Variants in FILIP1L observed in about 807,000 individuals in gnomAD.
FILIP1L encodes the protein filamin A interacting protein 1 like.
Under a neutral mutation model 96.6 loss-of-function variants are expected in FILIP1L, and 55 were observed. The ratio of observed to expected loss-of-function variants is 0.57; its 90% CI spans 0.46 to 0.71. FILIP1L has a LOEUF of 0.71. Among genes scored for constraint, FILIP1L ranks in the 30% least tolerant of loss-of-function variants. The pLI is 0.00. For missense variants in FILIP1L, 1,304 were observed against 1,321.2 expected, an observed-to-expected ratio of 0.99 and a Z score of 0.20; for synonymous variants, 467 against 473.9, an observed-to-expected ratio of 0.99 and a Z score of 0.19.
At chr3:99,976,342 T>C (rs774507747) in intron 1 of FILIP1L, among the ~76,000 whole-genome samples, 2 of 152,212 alleles carry the variant, frequency 1.3e-5, no homozygotes, top group Non-Finnish European at 2.9e-5. Flanking sequence ...ACATAAAGAA[T>C]AAAATTGGAT....
chr3:99,969,772 G>A (rs1708760886), intron 1 of FILIP1L, among the ~76,000 whole-genome samples: 1 of 152,188 alleles, frequency 6.6e-6, no homozygotes, highest in South Asian at 2.1e-4. Context: ...TGGAGATGAA[G>A]AAGGTGAGGA....
chr3:100,024,175 C>T (rs17314245), intron 1 of FILIP1L, among the ~76,000 whole-genome samples: 1,781 of 152,284 alleles, frequency 0.012, 23 homozygotes, highest in African/African-American at 0.026. Context: ...TTGTAAATAA[C>T]AGCCATGGGG....
intron 1 of FILIP1L, among the ~76,000 whole-genome samples, chr3:100,032,617 G>T (rs755142789): frequency 6.6e-5 from 10 of 152,062 alleles, no homozygotes; most frequent in Admixed American, 2.0e-4. Context: ...TCTATTTTTT[G>T]ACATAAAGGC....
chr3:100,055,368 A>G (rs2065447085), intron 1 of FILIP1L, among the ~76,000 whole-genome samples: 1 of 152,218 alleles, frequency 6.6e-6, no homozygotes. Context: ...TAGAAAATCA[A>G]GGTGACTGTA....
At chr3:100,045,320 A>G (rs377071223) in intron 1 of FILIP1L, among the ~76,000 whole-genome samples, 6 of 152,238 alleles carry the variant, frequency 3.9e-5, no homozygotes, top group African/African-American at 1.4e-4. Context: ...TGCCATTATT[A>G]CTATGTCTAG....
intron 1 of FILIP1L, chr3:100,075,575 T>C (rs927480670): frequency 3.9e-5 from 6 of 151,950 alleles, no homozygotes; most frequent in African/African-American, 1.4e-4. Flanking sequence ...CTTTTTTTTT[T>C]TTTAACTGTC....
At position 99,892,369 on chromosome 3, in the gene FILIP1L, A is replaced by T. The variant is rs771395104; in HGVS notation, c.605+31861T>A. Among the ~76,000 whole-genome samples the T allele has an allele frequency of 2.1e-4, 32 of 152,206 alleles. 1 individual carries two copies. Among genetic ancestry groups the T allele is most frequent in the Non-Finnish European group, 2.6e-4 (18 of 68,038 alleles). On this transcript the variant is annotated intron_variant, in intron 4 of 5. Coordinates refer to ENST00000477258, the MANE Select transcript of FILIP1L (RefSeq NM_001387850.1). ...GCCCTGGCTTCTCCAAGTGGTCTAG[A>T]ATGTGAGTAACCAAAAAATTATACT...
intron 1 of FILIP1L, among the ~76,000 whole-genome samples, chr3:99,976,293 G>C (rs749050929): frequency 3.3e-5 from 5 of 152,090 alleles, no homozygotes; most frequent in Non-Finnish European, 7.4e-5. Context: ...CATATGCTAC[G>C]CGTTCCTGCT....
At chr3:99,832,619 G>T (rs1373686590) in intron 5 of FILIP1L, among the ~76,000 whole-genome samples, 1 of 145,362 alleles carries the variant, frequency 6.9e-6, no homozygotes, top group Non-Finnish European at 1.5e-5. Flanking sequence ...GAGGCGGGCG[G>T]ATCACTTGAG....
chr3:99,968,749 T>C (rs1384958807), intron 1 of FILIP1L, among the ~76,000 whole-genome samples: 1 of 152,166 alleles, frequency 6.6e-6, no homozygotes, highest in Non-Finnish European at 1.5e-5. Flanking sequence ...AATTGATACA[T>C]TTTCCTCAGG....
chr3:99,997,613 A>G (rs1265518444), intron 1 of FILIP1L, among the ~76,000 whole-genome samples: 1 of 152,224 alleles, frequency 6.6e-6, no homozygotes, highest in Non-Finnish European at 1.5e-5. Flanking sequence ...AGGATAGCAG[A>G]GAAACCAACA....
At chr3:99,909,708 T>C (rs1460606312) in intron 4 of FILIP1L, among the ~76,000 whole-genome samples, 1 of 152,236 alleles carries the variant, frequency 6.6e-6, no homozygotes, top group Non-Finnish European at 1.5e-5. Context: ...CTGCTAATTT[T>C]ATTTAACTCA....
chr3:100,070,248 G>A (rs2065738756), intron 1 of FILIP1L, among the ~76,000 whole-genome samples: 1 of 152,160 alleles, frequency 6.6e-6, no homozygotes, highest in Non-Finnish European at 1.5e-5. Context: ...GATTTTGTGG[G>A]GAGGTCAGTT....
intron 1 of FILIP1L, among the ~76,000 whole-genome samples, chr3:100,041,816 CTTGAT>C (rs916976671): frequency 1.3e-5 from 2 of 152,066 alleles, no homozygotes; most frequent in African/African-American, 4.8e-5. Flanking sequence ...CATGTTGTGC[CTTGAT>C]TTATCTCACC....
intron 1 of FILIP1L, among the ~76,000 whole-genome samples, chr3:100,079,655 A>G (rs1284981705): frequency 1.3e-5 from 2 of 152,156 alleles, no homozygotes; most frequent in African/African-American, 2.4e-5. Flanking sequence ...TTTTCAATTC[A>G]TTGTGAGGTT....
chr3:99,842,648 T>G (rs2107508651), intron 5 of FILIP1L, among the ~76,000 whole-genome samples: 1 of 152,296 alleles, frequency 6.6e-6, no homozygotes, highest in East Asian at 1.9e-4. Flanking sequence ...TAAGATAAGT[T>G]TTATTTCTCT....
intron 1 of FILIP1L, among the ~76,000 whole-genome samples, chr3:100,112,192 A>G (rs75888006): frequency 0.026 from 4,032 of 152,338 alleles, 183 homozygotes; most frequent in African/African-American, 0.091. Context: ...AAAAGCTACT[A>G]GCACTTTTTC....
At chr3:99,876,017 T>C (rs757999524) in intron 4 of FILIP1L, 28 of 981,698 alleles carry the variant, frequency 2.9e-5, no homozygotes, top group African/African-American at 5.2e-5. Context: ...ACTTGCTACC[T>C]GGCTGTCTGA....
chr3:100,033,682 G>A (rs2065058126), intron 1 of FILIP1L, among the ~76,000 whole-genome samples: 1 of 152,094 alleles, frequency 6.6e-6, no homozygotes, highest in Non-Finnish European at 1.5e-5. Context: ...AATAAGTTCA[G>A]AAAGTGCCTC....
Sources: gnomAD v4.1 joint callset for allele counts (sites outside exome capture counted in the v4.1 genomes callset) on GRCh38, gnomAD v4.1.1 for gene constraint, MANE v1.5 for transcripts, NCBI Gene and HGNC (gene_info 2026-07-23, HGNC 2026-07-21) for gene names.